FBN1: variants seen among roughly 807,000 people sequenced by gnomAD.
FBN1 encodes the protein fibrillin 1.
A neutral mutation model predicts 365.1 loss-of-function variants in FBN1; 29 were observed. The observed-to-expected ratio is 0.08, with a 90% CI of 0.06 to 0.11. The LOEUF (loss-of-function observed/expected upper bound fraction) is 0.11. Among genes scored for constraint, FBN1 ranks in the 10% least tolerant of loss-of-function variants. The pLI is 1.00. For synonymous variants in FBN1, 1,210 were observed against 1,270.5 expected (o/e 0.95, Z 1.01); for missense variants, 2,476 against 3,703.2 (o/e 0.67, Z 8.60).
intron 6 of FBN1, among the ~76,000 whole-genome samples, chr15:48,566,962 G>T (rs879725776): frequency 2.0e-5 from 3 of 152,176 alleles, no homozygotes; most frequent in Non-Finnish European, 4.4e-5. Context: ...AGCAGCAGCC[G>T]CATCACCATC....
chr15:48,426,752 C>T (rs576095097), intron 58 of FBN1, among the ~76,000 whole-genome samples: 19 of 152,208 alleles, frequency 1.2e-4, no homozygotes, highest in African/African-American at 3.9e-4. Context: ...TGAGTTTTTT[C>T]GGCTATCTTA....
chr15:48,458,566 AC>A (rs1346282707), intron 43 of FBN1, among the ~76,000 whole-genome samples: 1 of 152,236 alleles, frequency 6.6e-6, no homozygotes, highest in Non-Finnish European at 1.5e-5. Flanking sequence ...AGAACACGAA[AC>A]ATCATATTCA....
chr15:48,568,811 C>G (rs1053554042), intron 6 of FBN1, among the ~76,000 whole-genome samples: 17 of 151,922 alleles, frequency 1.1e-4, no homozygotes, highest in African/African-American at 4.1e-4. Context: ...AACAGTTGAC[C>G]CTCACCTCAC....
intron 43 of FBN1, 109 bp from the exon 44 acceptor site, chr15:48,456,871 T>TGC (rs1555396461): frequency 1.8e-5 from 20 of 1,083,594 alleles, no homozygotes; most frequent in Admixed American, 7.1e-5. Flanking sequence ...TGTGTGTGTG[T>TGC]GCGTGCATGT....
At chr15:48,470,571 G>A (rs935132294) in intron 36 of FBN1, 63 bp downstream of exon 36, 2 of 1,609,068 alleles carry the variant, frequency 1.2e-6, no homozygotes, top group Non-Finnish European at 1.7e-6. Context: ...TCCCAGGGAG[G>A]CTCCAATAGC....
intron 6 of FBN1, among the ~76,000 whole-genome samples, chr15:48,592,218 T>G (rs2044482918): frequency 6.6e-6 from 1 of 152,150 alleles, no homozygotes; most frequent in Non-Finnish European, 1.5e-5. Flanking sequence ...TCTTGCTGTA[T>G]CTCTTTGTTT....
intron 44 of FBN1, among the ~76,000 whole-genome samples, chr15:48,455,959 A>C (rs2043234975): frequency 6.6e-6 from 1 of 152,206 alleles, no homozygotes; most frequent in South Asian, 2.1e-4. Context: ...TTAAATAGAA[A>C]ATTATTCCAA....
intron 10 of FBN1, among the ~76,000 whole-genome samples, chr15:48,518,056 G>A (rs927188871): frequency 6.6e-6 from 1 of 152,138 alleles, no homozygotes; most frequent in Non-Finnish European, 1.5e-5. Flanking sequence ...TATGTTTTCA[G>A]ATAATTCTCT....
intron 6 of FBN1, among the ~76,000 whole-genome samples, chr15:48,548,633 A>G (rs550585428): frequency 2.0e-5 from 3 of 152,186 alleles, no homozygotes; most frequent in Non-Finnish European, 4.4e-5. Context: ...CTTACTAGAG[A>G]TTTACATCAG....
At chr15:48,591,014 C>T (rs1416199359) in intron 6 of FBN1, among the ~76,000 whole-genome samples, 2 of 152,196 alleles carry the variant, frequency 1.3e-5, no homozygotes, top group Admixed American at 1.3e-4. Flanking sequence ...TCTGAGGATA[C>T]ATGATGAGCA....
At chr15:48,434,487 C>A in intron 54 of FBN1, 107 bp downstream of exon 54, 1 of 1,441,724 alleles carries the variant, frequency 6.9e-7, no homozygotes, top group Non-Finnish European at 9.7e-7. Context: ...CCTAGATGAT[C>A]TTTATTATAT....
chr15:48,443,590 T>C (rs951043130), intron 49 of FBN1, among the ~76,000 whole-genome samples: 1 of 152,212 alleles, frequency 6.6e-6, no homozygotes, highest in Non-Finnish European at 1.5e-5. Context: ...AAATTGGATA[T>C]ATAATAAAAT....
At chr15:48,578,093 G>A (rs2044363447) in intron 6 of FBN1, among the ~76,000 whole-genome samples, 1 of 152,176 alleles carries the variant, frequency 6.6e-6, no homozygotes, top group Non-Finnish European at 1.5e-5. Flanking sequence ...GAGAATGGGA[G>A]TAGGGAATTG....
chr15:48,452,667 T>C lies in FBN1; in HGVS notation c.5440A>G (p.Asn1814Asp), dbSNP rs1257299340. 2.5e-6 allele frequency: 4 copies of C among 1,614,202 alleles called. No individual in the cohort carries two copies. The highest frequency in any genetic ancestry group is 1.6e-4 in the Middle Eastern group (1 of 6,062). ...GCGTTGCGCTGGCACACTGGGCCGT[T>C]CTGACACTCGTCAATATCTACGAGC... ...LVCEDIDECQ[N>D]GPVCQRNAEC... The change falls in exon 45 of 66, where the codon AAC (asparagine) becomes GAC (aspartate). Residue 1814 changes from asparagine (N) to aspartate (D), a missense_variant. Coordinates refer to ENST00000316623, the MANE Select transcript of FBN1 (RefSeq NM_000138.5).
At chr15:48,611,819 T>G (rs981545514) in intron 3 of FBN1, among the ~76,000 whole-genome samples, 17 of 152,226 alleles carry the variant, frequency 1.1e-4, no homozygotes, top group African/African-American at 4.1e-4. Flanking sequence ...GTCACTACTT[T>G]TCGTCATGAC....
chr15:48,565,557 A>G (rs759411957), intron 6 of FBN1, among the ~76,000 whole-genome samples: 6 of 152,024 alleles, frequency 3.9e-5, no homozygotes, highest in Non-Finnish European at 7.4e-5. Flanking sequence ...GAAACCCACC[A>G]AGTAAAATAT....
At chr15:48,412,842 A>G in intron 64 of FBN1, 99 bp from the exon 65 acceptor site, 1 of 1,408,470 alleles carries the variant, frequency 7.1e-7, no homozygotes, top group South Asian at 1.2e-5. Context: ...CAGTTGTGAG[A>G]TACAGCCCTT....
At chr15:48,608,889 G>A (rs979544654) in intron 4 of FBN1, among the ~76,000 whole-genome samples, 5 of 152,136 alleles carry the variant, frequency 3.3e-5, no homozygotes, top group African/African-American at 1.2e-4. Flanking sequence ...ATTTCTACTC[G>A]ATAGAGAAGT....
At chr15:48,529,242 A>AG (rs547590676) in intron 8 of FBN1, 8 of 152,366 alleles carry the variant, frequency 5.3e-5, no homozygotes, top group Non-Finnish European at 1.2e-4. Context: ...AAGGAGGCAG[A>AG]GCTGCTGGGG....
Sources: gnomAD v4.1 joint callset for allele counts (sites outside exome capture counted in the v4.1 genomes callset) on GRCh38, gnomAD v4.1.1 for gene constraint, MANE v1.5 for transcripts, NCBI Gene and HGNC (gene_info 2026-07-23, HGNC 2026-07-21) for gene names.